The following ERI3 variants were observed in gnomAD, a reference collection of about 807,000 sequenced individuals.
ERI3 encodes the protein ERI1 exoribonuclease 3.
Under a neutral mutation model 44.4 loss-of-function variants are expected in ERI3, and 18 were observed. That is an observed-to-expected ratio of 0.41 (90% CI 0.28 to 0.60). The LOEUF (loss-of-function observed/expected upper bound fraction) is 0.60. Ranked by LOEUF, ERI3 falls within the 20% of genes least tolerant of loss-of-function variation. ERI3 has a pLI of 0.36. For synonymous variants in ERI3, 183 were observed against 164.8 expected (o/e 1.11, Z -0.84); for missense variants, 294 against 435.5 (o/e 0.68, Z 2.89).
At chr1:44,292,034 A>G (rs1219926716) in intron 6 of ERI3, among the ~76,000 whole-genome samples, 4 of 152,216 alleles carry the variant, frequency 2.6e-5, no homozygotes, top group Non-Finnish European at 5.9e-5. Flanking sequence ...AAAGGAGCCA[A>G]CCAAGGGTAA....
intron 8 of ERI3, among the ~76,000 whole-genome samples, chr1:44,226,976 T>C (rs1644060358): frequency 6.6e-6 from 1 of 152,182 alleles, no homozygotes; most frequent in African/African-American, 2.4e-5. Context: ...TGTCAACACT[T>C]TCCCCACCCT....
At chr1:44,353,362 T>C (rs1453643481) in intron 1 of ERI3, 1 of 985,282 alleles carries the variant, frequency 1.0e-6, no homozygotes, top group Non-Finnish European at 1.2e-6. Flanking sequence ...GGAAACACTT[T>C]CAGGATAGTT....
chr1:44,318,641 A>C (rs1407984776), intron 4 of ERI3, among the ~76,000 whole-genome samples: 1 of 152,242 alleles, frequency 6.6e-6, no homozygotes. Flanking sequence ...GTCTGGGCTA[A>C]GTCAGCCTCA....
chr1:44,253,736 A>G (rs1005057579), intron 7 of ERI3, among the ~76,000 whole-genome samples: 8 of 152,190 alleles, frequency 5.3e-5, no homozygotes, highest in African/African-American at 1.9e-4. Context: ...GAAGGTAGCC[A>G]TGCCATGAGG....
chr1:44,267,686 C>A (rs1042754966), intron 7 of ERI3, among the ~76,000 whole-genome samples: 1 of 152,250 alleles, frequency 6.6e-6, no homozygotes, highest in East Asian at 1.9e-4. Flanking sequence ...TGCCTGCTTG[C>A]AGCCAAGTAG....
chr1:44,242,416 C>G (rs1198969605), intron 8 of ERI3, among the ~76,000 whole-genome samples: 1 of 152,258 alleles, frequency 6.6e-6, no homozygotes, highest in Admixed American at 6.5e-5. Context: ...CAGAAAGTCC[C>G]ACATCCTATC....
intron 6 of ERI3, among the ~76,000 whole-genome samples, chr1:44,299,768 G>T (rs1645686161): frequency 6.6e-6 from 1 of 152,126 alleles, no homozygotes; most frequent in African/African-American, 2.4e-5. Context: ...GAAGCTGCAT[G>T]GAACCTCTAT....
intron 8 of ERI3, among the ~76,000 whole-genome samples, chr1:44,246,203 A>G (rs1430494008): frequency 6.6e-6 from 1 of 152,038 alleles, no homozygotes. Context: ...TAGTCATGGG[A>G]AGCTTCTTGT....
chr1:44,322,096 A>G (rs1269040905), intron 3 of ERI3, among the ~76,000 whole-genome samples: 1 of 152,156 alleles, frequency 6.6e-6, no homozygotes, highest in Non-Finnish European at 1.5e-5. Flanking sequence ...TTTGTTTTAG[A>G]TATCCGAAAT....
At chr1:44,256,506 T>G (rs1023707829) in intron 7 of ERI3, among the ~76,000 whole-genome samples, 1 of 152,178 alleles carries the variant, frequency 6.6e-6, no homozygotes, top group African/African-American at 2.4e-5. Flanking sequence ...CTGTTGTGTG[T>G]ACAGTGTTCT....
At chr1:44,286,092 G>A (rs1420127163) in intron 6 of ERI3, among the ~76,000 whole-genome samples, 1 of 152,206 alleles carries the variant, frequency 6.6e-6, no homozygotes, top group East Asian at 1.9e-4. Context: ...TGCTTGGCTA[G>A]CTTCATGCTA....
At chr1:44,226,185 A>G (rs771485077) in intron 8 of ERI3, among the ~76,000 whole-genome samples, 2 of 152,028 alleles carry the variant, frequency 1.3e-5, no homozygotes, top group Non-Finnish European at 2.9e-5. Context: ...GGAGTGTCCA[A>G]ATAAGTTTAT....
chr1:44,260,703 C>G (rs940866791), intron 7 of ERI3, among the ~76,000 whole-genome samples: 1 of 152,174 alleles, frequency 6.6e-6, no homozygotes, highest in African/African-American at 2.4e-5. Flanking sequence ...TCTTCTTGAT[C>G]TGAAATTCAT....
intron 3 of ERI3, chr1:44,322,931 T>G: frequency 6.9e-7 from 1 of 1,452,292 alleles, no homozygotes; most frequent in South Asian, 1.5e-5. Context: ...TTAGTGGCAT[T>G]AATCCCAACA....
At chr1:44,243,137 C>T (rs562090845) in intron 8 of ERI3, among the ~76,000 whole-genome samples, 3 of 152,226 alleles carry the variant, frequency 2.0e-5, no homozygotes, top group East Asian at 3.9e-4. Flanking sequence ...GGGGCCCAGG[C>T]CCCCACCCTG....
rs924100751 is a variant in ERI3, at chr1:44,337,678, A to G, written c.489+1367T>C. On this transcript the variant is annotated intron_variant, in intron 3 of 8. Coordinates refer to ENST00000372257, the MANE Select transcript of ERI3 (RefSeq NM_024066.3). ...GACCAATGCATTAAGGGAGTATAGGAAAGAGGAGAGGAGAAAGGGAACACT... is the reference window on the plus strand; with the variant it reads ...GACCAATGCATTAAGGGAGTATAGGGAAGAGGAGAGGAGAAAGGGAACACT... 1.3e-5 allele frequency among the ~76,000 whole-genome samples: 2 copies of G among 152,360 alleles called. 1 individual carries two copies. The highest frequency in any genetic ancestry group is 4.1e-4 in the South Asian group (2 of 4,828).
intron 8 of ERI3, among the ~76,000 whole-genome samples, chr1:44,243,174 A>T (rs1450201993): frequency 6.6e-6 from 1 of 152,188 alleles, no homozygotes; most frequent in African/African-American, 2.4e-5. Flanking sequence ...CTCTCTTGCC[A>T]AACAGTTCTG....
chr1:44,294,202 A>C (rs1186837758), intron 6 of ERI3, among the ~76,000 whole-genome samples: 1 of 152,214 alleles, frequency 6.6e-6, no homozygotes, highest in Non-Finnish European at 1.5e-5. Context: ...GCTACTCTGG[A>C]GAGTTCCCAA....
chr1:44,355,228 C>G lies in ERI3; in HGVS notation c.-202G>C. 8.4e-7 allele frequency: 1 copy of G among 1,184,788 alleles called. No individual in the cohort carries two copies. Among genetic ancestry groups the G allele is most frequent in the Non-Finnish European group, 1.0e-6 (1 of 957,938 alleles). The allele number at this position is 1,184,788 out of a possible 1,614,324, so 73.4% of individuals were successfully genotyped here. A position where few individuals can be genotyped will look rare whatever the true frequency, so the allele number is the denominator to read the frequency against. ...TCCCGGCCGCCTGAACAGCGGCAGC[C>G]AGCACCACGAGTCCACAACACACCG... On this transcript the variant is annotated 5_prime_UTR_variant, in exon 1 of 9. Coordinates refer to ENST00000372257, the MANE Select transcript of ERI3 (RefSeq NM_024066.3).
Sources: gnomAD v4.1 joint callset for allele counts (sites outside exome capture counted in the v4.1 genomes callset) on GRCh38, gnomAD v4.1.1 for gene constraint, MANE v1.5 for transcripts, NCBI Gene and HGNC (gene_info 2026-07-23, HGNC 2026-07-21) for gene names.